Variants in HGF observed in about 807,000 individuals in gnomAD.
HGF encodes fibroblast-derived tumor cytotoxic factor.
In HGF, 39 loss-of-function variants were observed where a neutral mutation model predicts 111.6. The observed-to-expected ratio is 0.35, with a 90% CI of 0.27 to 0.46. The LOEUF (loss-of-function observed/expected upper bound fraction) is 0.46, where lower values mean the gene tolerates loss of function less well. Ranked by LOEUF, HGF falls within the 20% of genes least tolerant of loss-of-function variation. HGF has a pLI of 1.00. For synonymous variants in HGF, 285 were observed against 294.8 expected, an observed-to-expected ratio of 0.97 and a Z score of 0.34; for missense variants, 735 against 910.5, an observed-to-expected ratio of 0.81 and a Z score of 2.48.
chr7:81,715,557 A>T (rs1017145661), intron 11 of HGF, among the ~76,000 whole-genome samples: 1 of 152,096 alleles, frequency 6.6e-6, no homozygotes, highest in Non-Finnish European at 1.5e-5. Flanking sequence ...TAATATATTT[A>T]GTTATTTATT....
At chr7:81,745,978 G>T (rs751007646) in intron 5 of HGF, among the ~76,000 whole-genome samples, 1 of 152,192 alleles carries the variant, frequency 6.6e-6, no homozygotes, top group Non-Finnish European at 1.5e-5. Context: ...ATAAATCATT[G>T]CTTGGCTTTC....
At chr7:81,749,640 T>A (rs1406919071) in intron 5 of HGF, among the ~76,000 whole-genome samples, 9 of 152,058 alleles carry the variant, frequency 5.9e-5, no homozygotes, top group Admixed American at 6.5e-5. Context: ...TTATTATCTA[T>A]AGTCACCATT....
At chr7:81,717,516 A>G (rs1789745320) in intron 10 of HGF, 151 bp from the exon 11 acceptor site, 3 of 827,668 alleles carry the variant, frequency 3.6e-6, no homozygotes, top group African/African-American at 1.7e-5. Context: ...ATTTTGTTTG[A>G]GGTCTGTTTG....
At chr7:81,724,346 A>T (rs1789950978) in intron 9 of HGF, among the ~76,000 whole-genome samples, 1 of 152,166 alleles carries the variant, frequency 6.6e-6, no homozygotes, top group African/African-American at 2.4e-5. Flanking sequence ...AAGTTAAAGG[A>T]TAGAAGTATG....
chr7:81,705,720 A>C lies in HGF; in HGVS notation c.1791T>G (p.Ile597Met), dbSNP rs2115766538. Residue 597 changes from isoleucine (I) to methionine (M), a missense_variant, in exon 16 of 18, where the codon ATT becomes ATG. Ile to Met is a conservative substitution (Grantham distance 10). Coordinates refer to ENST00000222390, the MANE Select transcript of HGF (RefSeq NM_000601.6). ...PAVLDDFVST[I>M]DLPNYGCTIP... ...TTGTGCATCCATAATTAGGTAAATC[A>C]ATCGTACTAACAAAATCATCCAGGA... The C allele has an allele frequency of 6.2e-7, 1 of 1,612,114 alleles. No homozygotes were observed. The highest frequency in any genetic ancestry group is 2.2e-5 in the East Asian group (1 of 44,814).
In HGF at chr7:81,743,176, T is replaced by C. The variant is rs555608853; in HGVS notation, c.865+177A>G. On this transcript the variant is annotated intron_variant, in intron 7 of 17. Transcript: ENST00000222390. ...TGCATATTTATCACAGTCAAAATAA[T>C]CAGTCTCCAAAAATGCAAAAGATTG... Among the ~76,000 whole-genome samples, 17 of 152,338 alleles carry C rather than the reference T, an allele frequency of 1.1e-4. 1 individual carries two copies. In the South Asian group the frequency reaches 3.5e-3, roughly 32 times the overall value.
chr7:81,711,650 T>G (rs772673475), intron 11 of HGF, 131 bp from the exon 12 acceptor site: 1 of 497,654 alleles, frequency 2.0e-6, no homozygotes, highest in Non-Finnish European at 3.6e-6. Context: ...TGTTGTTGTT[T>G]TGTTTTGTTT....
At chr7:81,708,534 T>C (rs1789489669) in intron 13 of HGF, among the ~76,000 whole-genome samples, 1 of 131,348 alleles carries the variant, frequency 7.6e-6, no homozygotes, top group African/African-American at 2.9e-5. Context: ...CTTTTTTTTT[T>C]TTTTTTTTTT....
At chr7:81,707,266 A>G in intron 14 of HGF, 24 bp downstream of exon 14, 1 of 1,365,110 alleles carries the variant, frequency 7.3e-7, no homozygotes, top group Non-Finnish European at 1.0e-6. Context: ...GCTCAAAATA[A>G]TACTAGTTTT....
intron 5 of HGF, among the ~76,000 whole-genome samples, chr7:81,750,697 C>T (rs1025069187): frequency 2.0e-5 from 3 of 152,082 alleles, no homozygotes; most frequent in African/African-American, 7.2e-5. Context: ...AAATAGTAAG[C>T]TGTTTAAAGT....
intron 7 of HGF, among the ~76,000 whole-genome samples, chr7:81,740,045 C>T (rs1280609704): frequency 6.6e-6 from 1 of 152,166 alleles, no homozygotes; most frequent in Non-Finnish European, 1.5e-5. Context: ...TACCCCCTTC[C>T]TCACTGGCCT....
At chr7:81,754,476 A>C (rs1788663673) in intron 4 of HGF, among the ~76,000 whole-genome samples, 1 of 152,068 alleles carries the variant, frequency 6.6e-6, no homozygotes, top group South Asian at 2.1e-4. Flanking sequence ...TCAACAATTT[A>C]TTAGGACAAA....
intron 1 of HGF, 42 bp downstream of exon 1, chr7:81,769,842 T>G (rs1408828879): frequency 1.4e-6 from 2 of 1,418,812 alleles, no homozygotes; most frequent in African/African-American, 1.4e-5. Context: ...GCAGGAGAGT[T>G]AAATACTAAT....
At chr7:81,766,469 A>G (rs747208713) in intron 1 of HGF, among the ~76,000 whole-genome samples, 1 of 152,212 alleles carries the variant, frequency 6.6e-6, no homozygotes, top group African/African-American at 2.4e-5. Context: ...TTTCGTTGTT[A>G]TTATCTAAGA....
At chr7:81,716,884 G>C (rs561633846) in intron 11 of HGF, among the ~76,000 whole-genome samples, 1 of 152,180 alleles carries the variant, frequency 6.6e-6, no homozygotes, top group Admixed American at 6.5e-5. Flanking sequence ...ATATTCAGAA[G>C]CTGAACAGGT....
intron 8 of HGF, among the ~76,000 whole-genome samples, chr7:81,727,342 C>T (rs1434050025): frequency 6.6e-6 from 1 of 151,858 alleles, no homozygotes; most frequent in East Asian, 1.9e-4. Context: ...CGCACCCGGC[C>T]GAAACTGAGA....
intron 7 of HGF, among the ~76,000 whole-genome samples, chr7:81,736,894 GGTGTGTGTGTGTGT>G (rs368271908): frequency 7.0e-6 from 1 of 141,962 alleles, no homozygotes; most frequent in Non-Finnish European, 1.5e-5. Flanking sequence ...TGTGTAGAGG[GGTGTGTGTGTGTGT>G]GTGTGTGTGT....
intron 2 of HGF, among the ~76,000 whole-genome samples, chr7:81,762,199 G>T (rs957369439): frequency 6.6e-6 from 1 of 152,038 alleles, no homozygotes; most frequent in Non-Finnish European, 1.5e-5. Flanking sequence ...CTTTACCATT[G>T]CTATCCTCTT....
intron 1 of HGF, among the ~76,000 whole-genome samples, chr7:81,768,485 G>A (rs902822409): frequency 3.9e-5 from 6 of 151,948 alleles, no homozygotes; most frequent in East Asian, 1.9e-4. Context: ...GTTCAAGAGA[G>A]TCTCCTGCCT....
Sources: allele counts gnomAD v4.1 joint callset (sites outside exome capture counted in the v4.1 genomes callset), GRCh38; gene constraint gnomAD v4.1.1; transcripts MANE v1.5; gene names NCBI Gene and HGNC (gene_info 2026-07-23, HGNC 2026-07-21).